Variants in PTCHD4 observed in about 807,000 individuals in gnomAD.
PTCHD4 encodes patched domain containing 4.
A neutral mutation model predicts 58.1 loss-of-function variants in PTCHD4; 33 were observed. The ratio of observed to expected loss-of-function variants is 0.57; its 90% confidence interval spans 0.43 to 0.76. The LOEUF is 0.76. PTCHD4 is among the 30% of genes least tolerant of loss of function. The pLI is 0.00. For missense variants in PTCHD4, 1,058 were observed against 1,027.1 expected (o/e 1.03, Z -0.41); for synonymous variants, 478 against 409.6 (o/e 1.17, Z -2.02).
At position 47,875,699 on chromosome 6, in the gene PTCHD4, TA is replaced by T. The variant is rs1189700494; in HGVS notation, c.*2603del. Among the ~76,000 whole-genome samples the T allele has an allele frequency of 1.3e-5, 2 of 151,864 alleles. No homozygotes were observed. The highest frequency in any genetic ancestry group is 6.6e-5 in the Admixed American group (1 of 15,200). The stretch of plus-strand genomic sequence containing the variant: ...TAAAAAAGAACTGTTTTTCCCTATC[TA>T]AACAGAGACTATCTGGATGGAGACA... On this transcript the variant is annotated 3_prime_UTR_variant, in exon 5 of 5. Transcript: ENST00000339488.
At position 47,922,093 on chromosome 6, in the gene PTCHD4, G is replaced by A. The variant is rs184980261; in HGVS notation, c.899-42157C>T. Among the ~76,000 whole-genome samples, 8 of 152,058 alleles carry A rather than the reference G, an allele frequency of 5.3e-5. No homozygotes were observed. In the East Asian group the frequency reaches 5.8e-4, roughly 11 times the overall value. On this transcript the variant is annotated intron_variant, in intron 4 of 4. Coordinates refer to ENST00000339488, the MANE Select transcript of PTCHD4 (RefSeq NM_001384253.1). ...TTTGAGGCTGCAGTGATGTATGATT[G>A]CACCACTGCACTTCAGCCTGGCCAC...
At position 47,872,531 on chromosome 6, in the gene PTCHD4, C is replaced by A. The variant is rs535962573; in HGVS notation, c.*5772G>T. Reference sequence around the variant, plus strand: ...ATCATACACAGCAGGAATCACACACCATCAGTGGTGATTCCTACTCTGTTC... The same window carrying A: ...ATCATACACAGCAGGAATCACACACAATCAGTGGTGATTCCTACTCTGTTC... On this transcript the variant is annotated 3_prime_UTR_variant, in exon 5 of 5. Coordinates refer to ENST00000339488, the MANE Select transcript of PTCHD4 (RefSeq NM_001384253.1). Among the ~76,000 whole-genome samples, 1 of 151,734 alleles carries A rather than the reference C, an allele frequency of 6.6e-6. No individual in the cohort carries two copies. Among genetic ancestry groups the A allele is most frequent in the African/African-American group, 2.4e-5 (1 of 41,472 alleles).
chr6:47,916,609 C>T (rs998740797), intron 4 of PTCHD4, among the ~76,000 whole-genome samples: 1 of 151,954 alleles, frequency 6.6e-6, no homozygotes, highest in South Asian at 2.1e-4. Context: ...TTCTTACCCC[C>T]TTGAATCAAA....
rs563622673 is a variant in PTCHD4, at chr6:48,000,207, A to T, written c.898+8427T>A. ...CCTGACCCACATCAAACTGAGAGAC[A>T]AACAAGAAATATATCTTTGTTATGT... On this transcript the variant is annotated intron_variant, in intron 4 of 4. Coordinates refer to ENST00000339488, the MANE Select transcript of PTCHD4 (RefSeq NM_001384253.1). Among the ~76,000 whole-genome samples the T allele has an allele frequency of 2.8e-4, 42 of 152,334 alleles. No homozygotes were observed. The South Asian group carries it at 8.1e-3, about 29-fold the overall frequency.
chr6:48,049,335 T>C (rs111718098), intron 3 of PTCHD4, among the ~76,000 whole-genome samples: 2 of 3,484 alleles, frequency 5.7e-4, no homozygotes, highest in African/African-American at 1.6e-3. Context: ...AACTTACACA[T>C]GTTTCGAGTT....
Position 48,009,133 on chromosome 6 carries a change from A to T in PTCHD4, c.418-19T>A. ...TCCCATCCTTGAAAACAGAAAAAGA[A>T]GAGACTTCAGTTACGGATGTATATT... On this transcript the variant is annotated intron_variant, in intron 3 of 4. Coordinates refer to ENST00000339488, the MANE Select transcript of PTCHD4 (RefSeq NM_001384253.1). 1.9e-6 allele frequency: 3 copies of T among 1,581,558 alleles called. No homozygotes were observed. The highest frequency in any genetic ancestry group is 1.7e-6 in the Non-Finnish European group (2 of 1,164,586).
intron 4 of PTCHD4, among the ~76,000 whole-genome samples, chr6:47,913,774 G>T (rs1765142399): frequency 6.6e-6 from 1 of 152,168 alleles, no homozygotes; most frequent in South Asian, 2.1e-4. Context: ...CGAAACTGAA[G>T]AATGCTGGAG....
chr6:48,017,967 G>A (rs1409687510), intron 3 of PTCHD4, among the ~76,000 whole-genome samples: 1 of 152,124 alleles, frequency 6.6e-6, no homozygotes. Flanking sequence ...TTTATTATTG[G>A]TTAAAATGAG....
chr6:47,978,111 C>T (rs796833359), intron 4 of PTCHD4, among the ~76,000 whole-genome samples: 1 of 152,078 alleles, frequency 6.6e-6, no homozygotes, highest in African/African-American at 2.4e-5. Context: ...CCTTTCCCCC[C>T]TTCTCATTAT....
chr6:47,951,030 G>GA (rs572433072), intron 4 of PTCHD4, among the ~76,000 whole-genome samples: 1 of 151,958 alleles, frequency 6.6e-6, no homozygotes, highest in Non-Finnish European at 1.5e-5. Context: ...GAGTTCAAAA[G>GA]AAAAAAATCA....
intron 4 of PTCHD4, among the ~76,000 whole-genome samples, chr6:47,909,423 TA>T (rs1454443372): frequency 6.6e-6 from 1 of 152,140 alleles, no homozygotes; most frequent in Non-Finnish European, 1.5e-5. Flanking sequence ...CATATTTTCT[TA>T]ATATATTTAA....
chr6:48,063,587 T>A (rs1764703214), intron 3 of PTCHD4, among the ~76,000 whole-genome samples: 1 of 152,148 alleles, frequency 6.6e-6, no homozygotes, highest in Non-Finnish European at 1.5e-5. Context: ...TTCAAGGAAG[T>A]CAACCTCCTG....
At chr6:47,884,576 T>C (rs536580130) in intron 4 of PTCHD4, among the ~76,000 whole-genome samples, 1 of 152,340 alleles carries the variant, frequency 6.6e-6, no homozygotes, top group South Asian at 2.1e-4. Context: ...TGAATGATGA[T>C]TGGAACTACA....
intron 4 of PTCHD4, among the ~76,000 whole-genome samples, chr6:47,915,176 G>T (rs1008491854): frequency 2.0e-5 from 3 of 152,120 alleles, no homozygotes; most frequent in African/African-American, 4.8e-5. Flanking sequence ...AAAAAGGGTT[G>T]CCTCAGGCTC....
intron 4 of PTCHD4, among the ~76,000 whole-genome samples, chr6:47,895,289 A>T (rs1388275055): frequency 2.0e-5 from 3 of 152,202 alleles, no homozygotes; most frequent in African/African-American, 7.2e-5. Flanking sequence ...AGGTTTCTAA[A>T]CCTATATAAA....
intron 4 of PTCHD4, among the ~76,000 whole-genome samples, chr6:47,890,226 A>G (rs1764335135): frequency 6.6e-6 from 1 of 151,590 alleles, no homozygotes; most frequent in Non-Finnish European, 1.5e-5. Flanking sequence ...TATTATATAT[A>G]TATATGGAGA....
intron 1 of PTCHD4, among the ~76,000 whole-genome samples, chr6:48,099,937 G>A (rs575537781): frequency 6.6e-6 from 1 of 152,262 alleles, no homozygotes; most frequent in East Asian, 1.9e-4. Context: ...TCAGTTACTG[G>A]CCATATTAAT....
rs561282180 is a variant in PTCHD4 at position 48,033,748 on chromosome 6, G to A, written c.418-24634C>T. 7.9e-5 allele frequency among the ~76,000 whole-genome samples: 12 copies of A among 152,120 alleles called. No individual in the cohort carries two copies. In the South Asian group the frequency reaches 2.3e-3, roughly 29 times the overall value. On this transcript the variant is annotated intron_variant, in intron 3 of 4. Transcript: ENST00000339488. The stretch of plus-strand genomic sequence containing the variant: ...ATTTTTTCTTCATGTCAAAAGGGTA[G>A]TTGGACCAACACTGAGTGTTTTTAC...
At chr6:48,074,286 C>G (rs1279136548) in intron 1 of PTCHD4, among the ~76,000 whole-genome samples, 1 of 152,140 alleles carries the variant, frequency 6.6e-6, no homozygotes, top group African/African-American at 2.4e-5. Context: ...TCCACAAGAA[C>G]AGTAGTTATA....
Sources: gnomAD v4.1 joint callset for allele counts (sites outside exome capture counted in the v4.1 genomes callset) on GRCh38, gnomAD v4.1.1 for gene constraint, MANE v1.5 for transcripts, NCBI Gene and HGNC (gene_info 2026-07-23, HGNC 2026-07-21) for gene names.